AQR: variants seen among roughly 807,000 people sequenced by gnomAD.
AQR encodes the protein RNA helicase aquarius.
Under a neutral mutation model 180.5 loss-of-function variants are expected in AQR, and 61 were observed. The ratio of observed to expected loss-of-function variants is 0.34; its 90% CI spans 0.28 to 0.42. AQR has a LOEUF of 0.42. Ranked by LOEUF, AQR falls within the 10% of genes least tolerant of loss-of-function variation. The probability of loss-of-function intolerance (pLI) is 1.00; values close to 1 mark genes in which losing one functional copy is unlikely to be tolerated. For synonymous variants in AQR, 551 were observed against 588.8 expected (o/e 0.94, Z 0.93); for missense variants, 1,281 against 1,798.3 (o/e 0.71, Z 5.20).
chr15:34,936,910 AGC>A (rs1893953519), intron 9 of AQR, among the ~76,000 whole-genome samples: 1 of 152,198 alleles, frequency 6.6e-6, no homozygotes, highest in African/African-American at 2.4e-5. Flanking sequence ...AGTAGCTCAA[AGC>A]GCTCAATGTT....
At chr15:34,909,852 T>A (rs1425334552) in intron 17 of AQR, among the ~76,000 whole-genome samples, 5 of 152,312 alleles carry the variant, frequency 3.3e-5, no homozygotes, top group East Asian at 3.9e-4. Flanking sequence ...CTTAAAATGC[T>A]CTCCTCTAGG....
At chr15:34,859,226 T>C (rs1892634615) in intron 34 of AQR, among the ~76,000 whole-genome samples, 1 of 151,898 alleles carries the variant, frequency 6.6e-6, no homozygotes, top group Admixed American at 6.6e-5. Flanking sequence ...TACAGCCTAA[T>C]AAAAAAATGA....
rs1175730988 is a variant in AQR, at chr15:34,910,421, C to A, written c.1485-108G>T. 1.8e-5 allele frequency: 21 copies of A among 1,155,748 alleles called. No homozygotes were observed. In the Admixed American group the frequency reaches 4.7e-4, roughly 26 times the overall value. 71.6% of individuals were successfully genotyped at this position (1,155,748 alleles called of 1,614,324 possible). On this transcript the variant is annotated intron_variant, in intron 16 of 34. Coordinates refer to ENST00000156471, the MANE Select transcript of AQR (RefSeq NM_014691.3). ...AATACTGTTCAGCTAGTATTTAAGT[C>A]CTAATATTAGTAACTCTTATTTCTT... is the stretch of plus-strand genomic sequence containing the variant.
At chr15:34,921,035 T>TA (rs989651791) in intron 13 of AQR, among the ~76,000 whole-genome samples, 22 of 151,532 alleles carry the variant, frequency 1.5e-4, no homozygotes, top group Non-Finnish European at 2.7e-4. Flanking sequence ...GATGAAGCAG[T>TA]AAAAAAAAAT....
In AQR at chr15:34,930,302, T is replaced by C. The variant is rs769036121; in HGVS notation, c.970A>G (p.Asn324Asp). 1 of 1,611,066 alleles carries C rather than the reference T, an allele frequency of 6.2e-7. No homozygotes were observed. Among genetic ancestry groups the C allele is most frequent in the Non-Finnish European group, 8.5e-7 (1 of 1,178,016 alleles). ...NDQTGNALTE[N>D]EMTTIHYDRI... ...TCATAGTGAATTGTGGTCATCTCAT[T>C]CTCTGTCAGAGCATTTCCAGTTTGG... The change falls in exon 12 of 35, where the codon AAT becomes GAT. Residue 324 changes from asparagine (N) to aspartate (D), a missense_variant. Coordinates refer to ENST00000156471, the MANE Select transcript of AQR (RefSeq NM_014691.3).
chr15:34,948,501 T>G, intron 4 of AQR, 117 bp from the exon 5 acceptor site: 12 of 1,334,040 alleles, frequency 9.0e-6, no homozygotes, highest in Non-Finnish European at 1.1e-5. Context: ...TGGAAATCTC[T>G]ATTTATAACT....
intron 30 of AQR, among the ~76,000 whole-genome samples, chr15:34,871,289 T>G (rs1391315543): frequency 1.3e-5 from 2 of 152,034 alleles, no homozygotes; most frequent in Non-Finnish European, 2.9e-5. Context: ...GACAGATCAC[T>G]TGAGTCCAGG....
In AQR at chr15:34,904,495, G is replaced by C. The variant is rs1893381785; in HGVS notation, c.1842C>G (p.Pro614=). 1 of 1,609,120 alleles carries C rather than the reference G, an allele frequency of 6.2e-7. No individual in the cohort carries two copies. Among genetic ancestry groups the C allele is most frequent in the Admixed American group, 1.7e-5 (1 of 59,096 alleles). ...KGRVIEDGPE[P]RPNLRGESRT... is the part of the protein sequence containing the mutation. The stretch of plus-strand genomic sequence containing the variant: ...TTGATTCTCCTCTAAGATTGGGTCT[G>C]GGTTCAGGTCCTGGACAATTTGAAA... The change falls in exon 19 of 35, where the codon CCC becomes CCG. Residue 614 remains proline, a synonymous_variant. Transcript: ENST00000156471.
At position 34,856,738 on chromosome 15, in the gene AQR, C is replaced by A; in HGVS notation, c.*54G>T. 1 of 1,397,160 alleles carries A rather than the reference C, an allele frequency of 7.2e-7. No homozygotes were observed. Among genetic ancestry groups the A allele is most frequent in the African/African-American group, 1.4e-5 (1 of 69,244 alleles). The allele number at this position is 1,397,160 out of a possible 1,614,324, so 86.5% of individuals were successfully genotyped here. On this transcript the variant is annotated 3_prime_UTR_variant, in exon 35 of 35. Coordinates refer to ENST00000156471, the MANE Select transcript of AQR (RefSeq NM_014691.3). ...AGCAAATATAAAATACAAAAAACAGCTTTACTCAGACTTTTTGACTGCCAT... is the reference window on the plus strand; with the variant it reads ...AGCAAATATAAAATACAAAAAACAGATTTACTCAGACTTTTTGACTGCCAT...
chr15:34,914,339 G>A (rs972033076), intron 16 of AQR, among the ~76,000 whole-genome samples: 5 of 152,168 alleles, frequency 3.3e-5, no homozygotes, highest in African/African-American at 1.2e-4. Flanking sequence ...GTAATGCAGA[G>A]CTGCTACAAT....
At chr15:34,902,553 T>C (rs1893347393) in intron 19 of AQR, among the ~76,000 whole-genome samples, 1 of 152,142 alleles carries the variant, frequency 6.6e-6, no homozygotes, top group Non-Finnish European at 1.5e-5. Flanking sequence ...TTCTAACTGT[T>C]CATGGTAGGC....
At position 34,911,137 on chromosome 15, in the gene AQR, C is replaced by T. The variant is rs1176845957; in HGVS notation, c.1485-824G>A. ...TCTTTTTAAAAGGTGAATCATATCC[C>T]ATTGTGTGTTTTTATATATGTACAC... is the stretch of plus-strand genomic sequence containing the variant. On this transcript the variant is annotated intron_variant, in intron 16 of 34. Coordinates refer to ENST00000156471, the MANE Select transcript of AQR (RefSeq NM_014691.3). Among the ~76,000 whole-genome samples, 3 of 152,170 alleles carry T rather than the reference C, an allele frequency of 2.0e-5. 1 individual carries two copies. The South Asian group carries it at 6.2e-4, about 31-fold the overall frequency.
At chr15:34,866,796 A>G (rs1892743235) in intron 32 of AQR, among the ~76,000 whole-genome samples, 1 of 152,154 alleles carries the variant, frequency 6.6e-6, no homozygotes, top group African/African-American at 2.4e-5. Flanking sequence ...AAAACATTAC[A>G]TCTTTACTTA....
At chr15:34,950,061 T>C (rs1222224507) in intron 4 of AQR, among the ~76,000 whole-genome samples, 4 of 150,892 alleles carry the variant, frequency 2.7e-5, no homozygotes, top group African/African-American at 9.7e-5. Context: ...TATTTTTCAT[T>C]TTTACTTCTC....
intron 1 of AQR, among the ~76,000 whole-genome samples, chr15:34,969,156 T>G (rs2050329915): frequency 6.6e-6 from 1 of 152,156 alleles, no homozygotes; most frequent in Non-Finnish European, 1.5e-5. Context: ...CTACTCCTAC[T>G]TGAAGAGGCA....
chr15:34,879,231 T>C (rs1892932494), intron 27 of AQR, among the ~76,000 whole-genome samples: 2 of 152,186 alleles, frequency 1.3e-5, no homozygotes, highest in South Asian at 2.1e-4. Context: ...TACAGGATGA[T>C]AGATAAGAAA....
Position 34,886,779 on chromosome 15 carries a change from T to C in AQR, c.2682-118A>G, listed in dbSNP as rs549915407. 1.0e-4 allele frequency: 105 copies of C among 1,041,042 alleles called. No homozygotes were observed. The African/African-American group carries it at 1.5e-3, about 14-fold the overall frequency. 64.5% of individuals were successfully genotyped at this position (1,041,042 alleles called of 1,614,324 possible). On this transcript the variant is annotated intron_variant, in intron 24 of 34. Transcript: ENST00000156471. ...GAAGAGGAAAAAAAACTAGAAGATATGGCTTCTATTTAACTATTGGTGGTA... is the reference window on the plus strand; with the variant it reads ...GAAGAGGAAAAAAAACTAGAAGATACGGCTTCTATTTAACTATTGGTGGTA...
chr15:34,870,993 T>C (rs1892808320), intron 30 of AQR, 71 bp from the exon 31 acceptor site: 7 of 1,482,822 alleles, frequency 4.7e-6, no homozygotes, highest in Non-Finnish European at 5.5e-6. Context: ...AAATATCTCA[T>C]CTAGATAAGC....
chr15:34,873,742 C>A, intron 30 of AQR, 86 bp downstream of exon 30: 2 of 1,223,718 alleles, frequency 1.6e-6, no homozygotes, highest in Non-Finnish European at 2.2e-6. Flanking sequence ...CTTTTCTCAA[C>A]GGCCAAATGG....
Sources: allele counts gnomAD v4.1 joint callset (sites outside exome capture counted in the v4.1 genomes callset), GRCh38; gene constraint gnomAD v4.1.1; transcripts MANE v1.5; gene names NCBI Gene and HGNC (gene_info 2026-07-23, HGNC 2026-07-21).